The following ATP8A2 variants were observed in gnomAD, a reference collection of about 807,000 sequenced individuals.
ATP8A2 encodes the protein phospholipid-transporting ATPase IB.
In ATP8A2, 100 loss-of-function variants were observed where a neutral mutation model predicts 165.6. The observed-to-expected ratio is 0.60, with a 90% CI of 0.51 to 0.71. ATP8A2 has a LOEUF of 0.71. Among genes scored for constraint, ATP8A2 ranks in the 30% least tolerant of loss-of-function variants. The pLI is 0.00. For synonymous variants in ATP8A2, 543 were observed against 548.8 expected (o/e 0.99, Z 0.15); for missense variants, 1,227 against 1,479.5 (o/e 0.83, Z 2.80).
At chr13:25,946,178 C>T (rs533017650) in intron 33 of ATP8A2, among the ~76,000 whole-genome samples, 1 of 152,246 alleles carries the variant, frequency 6.6e-6, no homozygotes, top group South Asian at 2.1e-4. Context: ...ATCCCGAGTC[C>T]TCACTCCCGA....
intron 27 of ATP8A2, among the ~76,000 whole-genome samples, chr13:25,819,403 G>T (rs1331748416): frequency 6.6e-6 from 1 of 151,804 alleles, no homozygotes; most frequent in African/African-American, 2.4e-5. Flanking sequence ...GATTCTCTAG[G>T]GTGTCTTACT....
At position 25,372,377 on chromosome 13, in the gene ATP8A2, C is replaced by T. The variant is rs1363464742; in HGVS notation, c.76+89C>T. ...TGCGGTTATGCGACACTGCCCCGCC[C>T]GCGCCCCGCTCCCCTCCCTGGGCTC... On this transcript the variant is annotated intron_variant, in intron 1 of 36. Coordinates refer to ENST00000381655, the MANE Select transcript of ATP8A2 (RefSeq NM_016529.6). The surrounding 1 kb of genome is among the most constrained non-coding windows in gnomAD (Gnocchi z 4.8). 5.1e-6 allele frequency: 5 copies of T among 971,294 alleles called. No individual in the cohort carries two copies. The East Asian group carries it at 1.4e-4, about 27-fold the overall frequency. 60.2% of individuals were successfully genotyped at this position (971,294 alleles called of 1,614,324 possible).
In ATP8A2 at chr13:25,689,456, T is replaced by A. The variant is rs899054943; in HGVS notation, c.2212-9717T>A. On this transcript the variant is annotated intron_variant, in intron 24 of 36. Coordinates refer to ENST00000381655, the MANE Select transcript of ATP8A2 (RefSeq NM_016529.6). ...CTTAAGTTGTCTAGAAAATAATTTA[T>A]CTGGTAGTTTCATTTTTCATTTGTA... Among the ~76,000 whole-genome samples the A allele has an allele frequency of 1.6e-4, 24 of 152,320 alleles. No individual in the cohort carries two copies. The Middle Eastern group carries it at 0.02, about 130-fold the overall frequency.
chr13:25,801,774 A>G (rs972953651), intron 27 of ATP8A2, among the ~76,000 whole-genome samples: 6 of 152,158 alleles, frequency 3.9e-5, no homozygotes, highest in African/African-American at 1.4e-4. Flanking sequence ...GGTAACTTAC[A>G]AAGGAAAGAG....
chr13:25,808,960 A>G (rs181819038), intron 27 of ATP8A2, among the ~76,000 whole-genome samples: 21 of 152,328 alleles, frequency 1.4e-4, no homozygotes, highest in African/African-American at 4.6e-4. Flanking sequence ...AAATCTCAGA[A>G]GGAAGAATTG....
At chr13:25,455,890 A>G (rs2035352333) in intron 1 of ATP8A2, among the ~76,000 whole-genome samples, 1 of 152,072 alleles carries the variant, frequency 6.6e-6, no homozygotes, top group Admixed American at 6.5e-5. Flanking sequence ...GGTTTGTTAT[A>G]GTTGGTCTAT....
rs374397075 is a variant in ATP8A2 at position 25,953,522 on chromosome 13, TAAAAAAAAAA to T, written c.3184-8038_3184-8029del. Among the ~76,000 whole-genome samples, 4 of 94,958 alleles carry T rather than the reference TAAAAAAAAAA, an allele frequency of 4.2e-5. No homozygotes were observed. The highest frequency in any genetic ancestry group is 8.6e-5 in the African/African-American group (2 of 23,330). The allele number at this position is 94,958 out of a possible 152,430, so 62.3% of individuals were successfully genotyped here. A position where few individuals can be genotyped will look rare whatever the true frequency, so the allele number is the denominator to read the frequency against. ...GTAGCCCTGGTTACTCCAGCCTTTT[TAAAAAAAAAA>T]AAAAAAAAAAAAAAGCAAGGGAAAT... On this transcript the variant is annotated intron_variant, in intron 33 of 36. Coordinates refer to ENST00000381655, the MANE Select transcript of ATP8A2 (RefSeq NM_016529.6). The surrounding 1 kb of genome is among the most constrained non-coding windows in gnomAD (Gnocchi z 6.7).
chr13:25,387,350 G>A (rs1267294652), intron 1 of ATP8A2, among the ~76,000 whole-genome samples: 4 of 152,026 alleles, frequency 2.6e-5, no homozygotes, highest in African/African-American at 4.8e-5. Flanking sequence ...CTACGCACTC[G>A]CTTCTGCTTT....
At chr13:25,903,429 C>T (rs1461193333) in intron 33 of ATP8A2, among the ~76,000 whole-genome samples, 1 of 152,180 alleles carries the variant, frequency 6.6e-6, no homozygotes, top group African/African-American at 2.4e-5. Context: ...TCCCATCCTC[C>T]ATCCTGTCCC....
intron 24 of ATP8A2, among the ~76,000 whole-genome samples, chr13:25,662,232 C>G (rs910732747): frequency 6.6e-6 from 1 of 152,184 alleles, no homozygotes; most frequent in African/African-American, 2.4e-5. Flanking sequence ...CACATTTACT[C>G]TCATTACTTG....
At chr13:25,913,158 A>G (rs1954168197) in intron 33 of ATP8A2, among the ~76,000 whole-genome samples, 1 of 152,340 alleles carries the variant, frequency 6.6e-6, no homozygotes, top group Admixed American at 6.5e-5. Context: ...TGTTGTCATC[A>G]TTGCCCCAGG....
intron 24 of ATP8A2, among the ~76,000 whole-genome samples, chr13:25,643,674 T>C (rs1030964673): frequency 1.3e-5 from 2 of 152,094 alleles, no homozygotes; most frequent in Non-Finnish European, 2.9e-5. Context: ...TATAGTATCG[T>C]TTGAAGTTAG....
chr13:25,782,117 A>T (rs373282559), intron 27 of ATP8A2, among the ~76,000 whole-genome samples: 14 of 152,338 alleles, frequency 9.2e-5, no homozygotes, highest in African/African-American at 2.6e-4. Flanking sequence ...ACTATACCTC[A>T]AAACAATGTG....
At chr13:25,954,026 AG>A (rs1955453433) in intron 33 of ATP8A2, among the ~76,000 whole-genome samples, 1 of 152,080 alleles carries the variant, frequency 6.6e-6, no homozygotes, top group Non-Finnish European at 1.5e-5. Context: ...TTCCCTGGAA[AG>A]GGGGCTGAAG....
chr13:25,708,852 A>G (rs2043104560), intron 25 of ATP8A2, among the ~76,000 whole-genome samples: 1 of 152,256 alleles, frequency 6.6e-6, no homozygotes. Context: ...AGCAGGAGCT[A>G]GGTCAGACTG....
At chr13:25,479,630 CCCTGAGG>C (rs1178212684) in intron 2 of ATP8A2, among the ~76,000 whole-genome samples, 2 of 151,772 alleles carry the variant, frequency 1.3e-5, no homozygotes, top group African/African-American at 2.4e-5. Flanking sequence ...AGGCAGAGGA[CCCTGAGG>C]CCTTCCGCAG....
chr13:25,550,794 C>A (rs2038796365), intron 10 of ATP8A2, among the ~76,000 whole-genome samples: 1 of 152,186 alleles, frequency 6.6e-6, no homozygotes, highest in African/African-American at 2.4e-5. Flanking sequence ...TATTTTGAAA[C>A]CCTCTAATGT....
At chr13:25,400,671 T>C (rs1209649475) in intron 1 of ATP8A2, among the ~76,000 whole-genome samples, 1 of 152,246 alleles carries the variant, frequency 6.6e-6, no homozygotes, top group Non-Finnish European at 1.5e-5. Context: ...TGCACAGTAA[T>C]ACATAGGGTG....
rs1273316604 is a variant in ATP8A2 at position 25,372,409 on chromosome 13, C to T, written c.76+121C>T. The T allele has an allele frequency of 8.8e-6, 6 of 681,302 alleles. No individual in the cohort carries two copies. Among genetic ancestry groups the T allele is most frequent in the Non-Finnish European group, 1.3e-5 (6 of 479,184 alleles). 42.2% of individuals were successfully genotyped at this position (681,302 alleles called of 1,614,324 possible). A position where few individuals can be genotyped will look rare whatever the true frequency, so the allele number is the denominator to read the frequency against. On this transcript the variant is annotated intron_variant, in intron 1 of 36. Transcript: ENST00000381655. The surrounding 1 kb of genome is among the most constrained non-coding windows in gnomAD (Gnocchi z 4.8). ...CGCTCCCCTCCCTGGGCTCCCTGGG[C>T]TCTCTGGGCTGCAGGATCCGCCGAC...
Sources: allele counts gnomAD v4.1 joint callset (sites outside exome capture counted in the v4.1 genomes callset), GRCh38; gene constraint gnomAD v4.1.1; non-coding constraint Gnocchi (gnomAD v3.1); transcripts MANE v1.5; gene names NCBI Gene and HGNC (gene_info 2026-07-23, HGNC 2026-07-21).